The following LRP1B variants were observed in gnomAD, a reference collection of about 807,000 sequenced individuals.
LRP1B encodes the protein low-density lipoprotein receptor-related protein 1B.
Under a neutral mutation model 556.6 loss-of-function variants are expected in LRP1B, and 217 were observed. The observed-to-expected ratio is 0.39, with a 90% CI of 0.35 to 0.44. The LOEUF (loss-of-function observed/expected upper bound fraction) is 0.44, where lower values mean the gene tolerates loss of function less well. LRP1B is among the 20% of genes least tolerant of loss of function. The pLI is 1.00. For missense variants in LRP1B, 5,053 were observed against 5,620.8 expected, an observed-to-expected ratio of 0.90 and a Z score of 3.23; for synonymous variants, 2,047 against 1,865.8, an observed-to-expected ratio of 1.10 and a Z score of -2.50.
At chr2:142,081,411 A>G (rs900471428) in intron 1 of LRP1B, among the ~76,000 whole-genome samples, 2 of 152,258 alleles carry the variant, frequency 1.3e-5, no homozygotes, top group Middle Eastern at 3.4e-3. Context: ...TGATCACAAC[A>G]TACCTTGTGC....
chr2:140,304,501 G>GGGTT (rs1683979016), intron 83 of LRP1B, among the ~76,000 whole-genome samples: 2 of 151,604 alleles, frequency 1.3e-5, no homozygotes, highest in East Asian at 1.9e-4. Flanking sequence ...GTTTTTGATG[G>GGGTT]GATTGTTTTT....
chr2:140,801,541 A>C (rs1690512155), intron 32 of LRP1B, among the ~76,000 whole-genome samples: 2 of 151,774 alleles, frequency 1.3e-5, no homozygotes, highest in African/African-American at 4.8e-5. Context: ...ACAATCCCAG[A>C]GCGTTCATCT....
chr2:140,540,570 T>C (rs1463077017), intron 45 of LRP1B, among the ~76,000 whole-genome samples: 1 of 152,240 alleles, frequency 6.6e-6, no homozygotes, highest in African/African-American at 2.4e-5. Context: ...CATACTATGA[T>C]GGACTGTGAG....
intron 20 of LRP1B, among the ~76,000 whole-genome samples, chr2:140,926,791 CCT>C (rs1694899665): frequency 6.6e-6 from 1 of 151,834 alleles, no homozygotes. Flanking sequence ...CGTTTTTTTC[CCT>C]GTGTCAGAAA....
At chr2:142,006,255 TTTAACA>T (rs1171091499) in intron 1 of LRP1B, among the ~76,000 whole-genome samples, 1 of 152,146 alleles carries the variant, frequency 6.6e-6, no homozygotes, top group African/African-American at 2.4e-5. Flanking sequence ...AGTTTTCCAA[TTTAACA>T]TTAATTTTTA....
At chr2:140,974,631 C>G (rs1474856344) in intron 18 of LRP1B, among the ~76,000 whole-genome samples, 1 of 152,074 alleles carries the variant, frequency 6.6e-6, no homozygotes, top group Non-Finnish European at 1.5e-5. Context: ...AGAAGAGAGA[C>G]AGAGAAACAA....
chr2:140,284,647 T>G (rs1212473979), intron 84 of LRP1B, among the ~76,000 whole-genome samples: 1 of 151,710 alleles, frequency 6.6e-6, no homozygotes, highest in East Asian at 2.0e-4. Context: ...CCTTATTTTC[T>G]TCCTTCTTTC....
intron 23 of LRP1B, among the ~76,000 whole-genome samples, chr2:140,892,253 G>C (rs1034776960): frequency 6.6e-6 from 1 of 152,160 alleles, no homozygotes; most frequent in Non-Finnish European, 1.5e-5. Context: ...GACAGAAGCA[G>C]ACAAACAGGA....
intron 66 of LRP1B, among the ~76,000 whole-genome samples, chr2:140,392,169 C>T (rs1011087899): frequency 6.6e-6 from 1 of 152,138 alleles, no homozygotes; most frequent in Non-Finnish European, 1.5e-5. Flanking sequence ...ACCTGTCTTT[C>T]TCTTTCATTT....
chr2:141,817,788 A>AAT (rs1236032019), intron 1 of LRP1B, among the ~76,000 whole-genome samples: 1 of 152,162 alleles, frequency 6.6e-6, no homozygotes, highest in Non-Finnish European at 1.5e-5. Flanking sequence ...TGTACATACT[A>AAT]ATATTACCTT....
At position 141,254,500 on chromosome 2, in the gene LRP1B, T is replaced by C. The variant is rs1558962441; in HGVS notation, c.463+22A>G. 3.1e-6 allele frequency: 5 copies of C among 1,609,780 alleles called. No individual in the cohort carries two copies. The South Asian group carries it at 4.4e-5, about 14-fold the overall frequency. Reference sequence around the variant, plus strand: ...CTAAGCCTCTATAAACAAAATTTGATGGCGTTATATGTTTTACTTACCTTT... The same window carrying C: ...CTAAGCCTCTATAAACAAAATTTGACGGCGTTATATGTTTTACTTACCTTT... On this transcript the variant is annotated intron_variant, in intron 4 of 90. Coordinates refer to ENST00000389484, the MANE Select transcript of LRP1B (RefSeq NM_018557.3).
intron 1 of LRP1B, among the ~76,000 whole-genome samples, chr2:141,896,307 T>C (rs1459485002): frequency 1.3e-5 from 2 of 152,140 alleles, no homozygotes; most frequent in African/African-American, 4.8e-5. Flanking sequence ...AATTTTAACA[T>C]AGTATATAGT....
chr2:141,354,748 C>T (rs1055943802), intron 3 of LRP1B, among the ~76,000 whole-genome samples: 1 of 151,102 alleles, frequency 6.6e-6, no homozygotes, highest in African/African-American at 2.4e-5. Flanking sequence ...AGCTTCTACT[C>T]AAGTAAAGTG....
intron 86 of LRP1B, among the ~76,000 whole-genome samples, chr2:140,258,686 A>G (rs1681803317): frequency 6.6e-6 from 1 of 152,116 alleles, no homozygotes; most frequent in Admixed American, 6.6e-5. Flanking sequence ...TTTAATCCTC[A>G]AAACAATCTA....
chr2:140,457,062 A>G (rs1462984013), intron 61 of LRP1B, among the ~76,000 whole-genome samples: 2 of 152,178 alleles, frequency 1.3e-5, no homozygotes, highest in Admixed American at 1.3e-4. Context: ...TATTAAACAT[A>G]TGCTGAAGAA....
In LRP1B at chr2:141,427,761, T is replaced by C. The variant is rs572636944; in HGVS notation, c.343+52635A>G. On this transcript the variant is annotated intron_variant, in intron 3 of 90. Transcript: ENST00000389484. ...TTAAAAATAATTACCATATTCAAAA[T>C]TGGTTTTTCTTTAAAATAAATGGCT... Among the ~76,000 whole-genome samples, 5 of 152,290 alleles carry C rather than the reference T, an allele frequency of 3.3e-5. No homozygotes were observed. The East Asian group carries it at 9.6e-4, about 29-fold the overall frequency.
At chr2:141,498,132 T>C (rs1179651573) in intron 2 of LRP1B, among the ~76,000 whole-genome samples, 1 of 152,028 alleles carries the variant, frequency 6.6e-6, no homozygotes, top group Non-Finnish European at 1.5e-5. Context: ...CTATAAAGTA[T>C]AGAAAACTAA....
At chr2:141,254,915 A>G (rs1373066809) in intron 3 of LRP1B, among the ~76,000 whole-genome samples, 1 of 152,058 alleles carries the variant, frequency 6.6e-6, no homozygotes, top group Non-Finnish European at 1.5e-5. Context: ...AAATTAAATT[A>G]TTTCAAGAGG....
At chr2:141,805,124 C>T (rs1197237765) in intron 2 of LRP1B, among the ~76,000 whole-genome samples, 4 of 152,094 alleles carry the variant, frequency 2.6e-5, no homozygotes, top group East Asian at 1.9e-4. Flanking sequence ...AAGAGATCGA[C>T]TGCATTTGCT....
Sources: allele counts gnomAD v4.1 joint callset (sites outside exome capture counted in the v4.1 genomes callset), GRCh38; gene constraint gnomAD v4.1.1; transcripts MANE v1.5; gene names NCBI Gene and HGNC (gene_info 2026-07-23, HGNC 2026-07-21).